DSCAML1: variants seen among roughly 807,000 people sequenced by gnomAD.
The protein encoded by DSCAML1 is cell adhesion molecule DSCAML1.
A neutral mutation model predicts 200.5 loss-of-function variants in DSCAML1; 38 were observed. The ratio of observed to expected loss-of-function variants is 0.19; its 90% CI spans 0.15 to 0.25. The LOEUF (loss-of-function observed/expected upper bound fraction) is 0.25, where lower values mean the gene tolerates loss of function less well. Ranked by LOEUF, DSCAML1 falls within the 10% of genes least tolerant of loss-of-function variation. DSCAML1 has a pLI of 1.00. For synonymous variants in DSCAML1, 1,215 were observed against 1,165.0 expected (o/e 1.04, Z -0.87); for missense variants, 2,223 against 2,858.8 (o/e 0.78, Z 5.07).
In DSCAML1 at chr11:117,438,061, C is replaced by T. The variant is rs183882994; in HGVS notation, c.4266G>A (p.Val1422=). ...CATCCTTCCACTCCTCGCTGTTGTC[C>T]ACCGAGTACTGTAGCACGAAGCCTG... ...SIRGFVLQYS[V]DNSEEWKDVF... Residue 1422 remains valine, a synonymous_variant, in exon 25 of 33, where the codon GTG becomes GTA. Coordinates refer to ENST00000651296, the MANE Select transcript of DSCAML1 (RefSeq NM_020693.4). 4 of 1,613,610 alleles carry T rather than the reference C, an allele frequency of 2.5e-6. No individual in the cohort carries two copies. In the Admixed American group the frequency reaches 5.0e-5, roughly 20 times the overall value.
At chr11:117,671,080 C>T (rs759967546) in intron 3 of DSCAML1, among the ~76,000 whole-genome samples, 7 of 152,206 alleles carry the variant, frequency 4.6e-5, no homozygotes, top group Admixed American at 1.3e-4. Context: ...ATGCACTTGA[C>T]GTTAACATTT....
chr11:117,531,737 T>C (rs2050079691), intron 4 of DSCAML1, among the ~76,000 whole-genome samples: 1 of 151,732 alleles, frequency 6.6e-6, no homozygotes, highest in Admixed American at 6.6e-5. Context: ...AACACAAAAA[T>C]TAGCCGGGCG....
chr11:117,775,684 T>C (rs1191393064), intron 3 of DSCAML1, among the ~76,000 whole-genome samples: 4 of 152,100 alleles, frequency 2.6e-5, no homozygotes, highest in South Asian at 2.1e-4. Flanking sequence ...CTAGCGAGCA[T>C]TGAAAAGGCT....
At chr11:117,684,738 G>A (rs1030024588) in intron 3 of DSCAML1, among the ~76,000 whole-genome samples, 1 of 152,270 alleles carries the variant, frequency 6.6e-6, no homozygotes, top group African/African-American at 2.4e-5. Flanking sequence ...AAAGGTGTTT[G>A]TGTGTGCTTG....
intron 11 of DSCAML1, among the ~76,000 whole-genome samples, chr11:117,492,758 G>A (rs1029197092): frequency 3.9e-5 from 6 of 152,234 alleles, no homozygotes; most frequent in Non-Finnish European, 7.3e-5. Context: ...CTCAGCCTTC[G>A]ACGGCAGCGG....
chr11:117,448,952 C>T (rs1001330580), intron 20 of DSCAML1, among the ~76,000 whole-genome samples: 1 of 152,138 alleles, frequency 6.6e-6, no homozygotes, highest in African/African-American at 2.4e-5. Flanking sequence ...GAAAACTGCC[C>T]CAAAGCCTTC....
chr11:117,816,293 G>A (rs1040809225), intron 1 of DSCAML1, among the ~76,000 whole-genome samples: 3 of 152,162 alleles, frequency 2.0e-5, no homozygotes, highest in Admixed American at 6.5e-5. Flanking sequence ...CCAATGTCCC[G>A]GAAGGAGGCC....
At chr11:117,798,990 G>A (rs2055631489), upstream of DSCAML1, among the ~76,000 whole-genome samples, 1 of 152,186 alleles carries the variant, frequency 6.6e-6, no homozygotes, top group Non-Finnish European at 1.5e-5. Flanking sequence ...CGGGGGGACA[G>A]ACTGCAGGGG....
At position 117,504,482 on chromosome 11, in the gene DSCAML1, A is replaced by T. The variant is rs1261454533; in HGVS notation, c.2182+442T>A. ...CTCCATTCCCCAGTGTCAGTCACGA[A>T]TACAGTCTAGGATTGGGCCTCAGTC... On this transcript the variant is annotated intron_variant, in intron 10 of 32. Transcript: ENST00000651296. The surrounding 1 kb of genome is among the most constrained non-coding windows in gnomAD (Gnocchi z 5.0). Among the ~76,000 whole-genome samples, 1 of 152,110 alleles carries T rather than the reference A, an allele frequency of 6.6e-6. No individual in the cohort carries two copies. The highest frequency in any genetic ancestry group is 1.9e-4 in the East Asian group (1 of 5,172).
intron 3 of DSCAML1, among the ~76,000 whole-genome samples, chr11:117,587,470 C>T (rs1008801788): frequency 6.6e-6 from 1 of 152,100 alleles, no homozygotes; most frequent in Non-Finnish European, 1.5e-5. Context: ...TGTTCTCTGT[C>T]ATCCTGGTCC....
chr11:117,650,877 G>A (rs1157155341), intron 3 of DSCAML1, among the ~76,000 whole-genome samples: 1 of 152,132 alleles, frequency 6.6e-6, no homozygotes, highest in Non-Finnish European at 1.5e-5. Context: ...GGCCTGAGTT[G>A]GTTCAGAATC....
At chr11:117,613,799 C>A (rs934410422) in intron 3 of DSCAML1, among the ~76,000 whole-genome samples, 1 of 152,166 alleles carries the variant, frequency 6.6e-6, no homozygotes, top group African/African-American at 2.4e-5. Context: ...TGCCAGAGCC[C>A]AGGGAGGGTA....
At chr11:117,799,701 A>T (rs2134083594), upstream of DSCAML1, among the ~76,000 whole-genome samples, 1 of 152,360 alleles carries the variant, frequency 6.6e-6, no homozygotes, top group South Asian at 2.1e-4. Context: ...CAGCTCTGCC[A>T]CTTGCCAGCT....
At chr11:117,524,727 G>A in intron 5 of DSCAML1, 78 bp downstream of exon 5, 1 of 1,492,470 alleles carries the variant, frequency 6.7e-7, no homozygotes, top group Non-Finnish European at 9.0e-7. Context: ...AGGTCCAGCT[G>A]TCGGCCACAC....
At chr11:117,801,973 G>A (rs901272270), upstream of DSCAML1, 3 of 152,210 alleles carry the variant, frequency 2.0e-5, no homozygotes, top group Non-Finnish European at 2.9e-5. Context: ...GTCCGGATTC[G>A]ACAGAGCTGA....
At chr11:117,483,637 A>C (rs2048975863) in intron 11 of DSCAML1, among the ~76,000 whole-genome samples, 1 of 152,146 alleles carries the variant, frequency 6.6e-6, no homozygotes, top group Admixed American at 6.5e-5. Flanking sequence ...ACCCAGCAAG[A>C]CTTAAATGGG....
intron 3 of DSCAML1, among the ~76,000 whole-genome samples, chr11:117,605,556 G>A (rs531363422): frequency 1.3e-5 from 2 of 152,346 alleles, no homozygotes; most frequent in Admixed American, 6.5e-5. Context: ...TCCTGGGCAC[G>A]TGGAGTCTGT....
At chr11:117,567,028 G>T (rs893154538) in intron 3 of DSCAML1, among the ~76,000 whole-genome samples, 2 of 152,140 alleles carry the variant, frequency 1.3e-5, no homozygotes, top group Admixed American at 6.5e-5. Context: ...GAATAATGCT[G>T]CAATAAACAT....
At chr11:117,663,586 A>G (rs533602738) in intron 3 of DSCAML1, among the ~76,000 whole-genome samples, 3 of 152,054 alleles carry the variant, frequency 2.0e-5, no homozygotes, top group Non-Finnish European at 4.4e-5. Flanking sequence ...CTCTTCCAGG[A>G]GGCTCTCTCT....
Sources: allele counts gnomAD v4.1 joint callset (sites outside exome capture counted in the v4.1 genomes callset), GRCh38; gene constraint gnomAD v4.1.1; non-coding constraint Gnocchi (gnomAD v3.1); transcripts MANE v1.5; gene names NCBI Gene and HGNC (gene_info 2026-07-23, HGNC 2026-07-21).